MBP: variants seen among roughly 807,000 people sequenced by gnomAD.
MBP encodes myelin basic protein.
In MBP, 16 loss-of-function variants were observed where a neutral mutation model predicts 35.8. That is an observed-to-expected ratio of 0.45 (90% CI 0.30 to 0.68). The LOEUF (loss-of-function observed/expected upper bound fraction) is 0.68. Among genes scored for constraint, MBP ranks in the 30% least tolerant of loss-of-function variants. MBP has a pLI of 0.08. For synonymous variants in MBP, 143 were observed against 159.6 expected (o/e 0.90, Z 0.78); for missense variants, 380 against 404.7 (o/e 0.94, Z 0.52).
At chr18:77,009,952 CGTGAGTCCGG>C (rs1971248335) in intron 4 of MBP, 4 of 1,535,742 alleles carry the variant, frequency 2.6e-6, no homozygotes, top group Non-Finnish European at 3.5e-6. Flanking sequence ...GAGTGGGCTG[CGTGAGTCCGG>C]GTGGGCGCCG....
At chr18:77,130,056 A>AG (rs1977189522) in intron 1 of MBP, among the ~76,000 whole-genome samples, 1 of 151,042 alleles carries the variant, frequency 6.6e-6, no homozygotes, top group Admixed American at 6.6e-5. Flanking sequence ...CAAAAAAAAA[A>AG]AAAAGAAAAA....
chr18:77,018,740 CTATCCACT>C, intron 3 of MBP, among the ~76,000 whole-genome samples: 1 of 143,168 alleles, frequency 7.0e-6, no homozygotes, highest in East Asian at 2.2e-4. Flanking sequence ...ACCCCTCCAT[CTATCCACT>C]CATCCATCCA....
At chr18:77,107,447 C>T (rs1378473112) in intron 1 of MBP, among the ~76,000 whole-genome samples, 1 of 152,168 alleles carries the variant, frequency 6.6e-6, no homozygotes. Context: ...TATGCTGGGA[C>T]TAGGCAAACA....
rs1483113465 is a variant in MBP, at chr18:77,058,071, T to A, written c.139+8227A>T. ...ATGGTGTCGATCTCCTGACCTCGTGTTCCGCCCGCCTCGGCCTCCCAAAGT... is the reference window on the plus strand; with the variant it reads ...ATGGTGTCGATCTCCTGACCTCGTGATCCGCCCGCCTCGGCCTCCCAAAGT... On this transcript the variant is annotated intron_variant, in intron 3 of 8. Transcript: ENST00000355994. Among the ~76,000 whole-genome samples the A allele has an allele frequency of 7.2e-4, 13 of 18,012 alleles. 5 individuals are homozygous for A. Among genetic ancestry groups the A allele is most frequent in the Admixed American group, 3.4e-3 (7 of 2,058 alleles). The allele number at this position is 18,012 out of a possible 152,430, so 11.8% of individuals were successfully genotyped here. A position where few individuals can be genotyped will look rare whatever the true frequency, so the allele number is the denominator to read the frequency against.
chr18:77,049,171 G>A (rs1323250229), intron 3 of MBP, among the ~76,000 whole-genome samples: 1 of 149,988 alleles, frequency 6.7e-6, no homozygotes, highest in African/African-American at 2.5e-5. Context: ...CGCCCACCTC[G>A]GCCTTCCAAA....
upstream of MBP, chr18:77,132,932 A>G (rs1235227539): frequency 6.6e-6 from 1 of 150,916 alleles, no homozygotes; most frequent in African/African-American, 2.4e-5. Flanking sequence ...AGCTCGGAGG[A>G]CCCCGGGCCC....
intron 4 of MBP, chr18:77,016,375 A>G (rs1049440416): frequency 3.0e-6 from 3 of 993,120 alleles, no homozygotes; most frequent in South Asian, 4.6e-5. Context: ...CCTCAATCCT[A>G]TGATTGTCGC....
chr18:77,029,223 A>T (rs1297782813), intron 3 of MBP, among the ~76,000 whole-genome samples: 2 of 146,272 alleles, frequency 1.4e-5, no homozygotes, highest in Non-Finnish European at 3.1e-5. Flanking sequence ...AGCCCGGCCA[A>T]CACAGCGAAA....
chr18:77,048,104 G>T (rs470578), intron 3 of MBP, among the ~76,000 whole-genome samples: 1 of 151,796 alleles, frequency 6.6e-6, no homozygotes, highest in African/African-American at 2.4e-5. Flanking sequence ...AGCATCTCTC[G>T]TTTGACGCCC....
chr18:76,997,645 G>A (rs1409596031), intron 4 of MBP, among the ~76,000 whole-genome samples: 1 of 152,220 alleles, frequency 6.6e-6, no homozygotes, highest in African/African-American at 2.4e-5. Flanking sequence ...CCTCGGGCAG[G>A]GGACTGCGTG....
chr18:77,032,187 G>A (rs914990723), intron 3 of MBP, among the ~76,000 whole-genome samples: 1 of 152,220 alleles, frequency 6.6e-6, no homozygotes, highest in Non-Finnish European at 1.5e-5. Flanking sequence ...GGGCCAAAGA[G>A]GACGCTCCTT....
rs1490571723 is a variant in MBP at position 77,125,826 on chromosome 18, A to ATT, written c.-26+6753_-26+6754insAA. ...GCTGAGAGGGAATTCATACCCTGAA[A>ATT]TACTTATATTAGAAAGCAGGAAAAG... On this transcript the variant is annotated intron_variant, in intron 1 of 8. Coordinates refer to ENST00000355994, the MANE Select transcript of MBP (RefSeq NM_001025101.2). Among the ~76,000 whole-genome samples the ATT allele has an allele frequency of 2.0e-5, 3 of 152,040 alleles. No individual in the cohort carries two copies. In the East Asian group the frequency reaches 5.8e-4, roughly 29 times the overall value.
chr18:77,116,715 C>T (rs911571803), intron 1 of MBP, among the ~76,000 whole-genome samples: 6 of 152,116 alleles, frequency 3.9e-5, no homozygotes, highest in African/African-American at 1.2e-4. Flanking sequence ...AAAACTTCAC[C>T]GCGTATGGTG....
At chr18:77,026,987 C>T (rs1972248453) in intron 3 of MBP, among the ~76,000 whole-genome samples, 3 of 152,166 alleles carry the variant, frequency 2.0e-5, no homozygotes, top group South Asian at 4.1e-4. Flanking sequence ...GGTTTCCCAA[C>T]AATAAGCTCT....
chr18:77,000,590 A>T (rs1970575774), intron 4 of MBP, among the ~76,000 whole-genome samples: 1 of 152,216 alleles, frequency 6.6e-6, no homozygotes, highest in African/African-American at 2.4e-5. Flanking sequence ...TTTTTGAAGA[A>T]TTATTTTCCT....
intron 4 of MBP, chr18:77,016,512 C>T (rs1342058365): frequency 1.2e-5 from 15 of 1,210,022 alleles, no homozygotes; most frequent in African/African-American, 1.5e-5. Flanking sequence ...CACCAGAGAC[C>T]CTGAGAATGT....
Position 77,029,059 on chromosome 18 carries a change from C to A in MBP, c.140-11791G>T, listed in dbSNP as rs1318487188. Among the ~76,000 whole-genome samples, 2 of 104,460 alleles carry A rather than the reference C, an allele frequency of 1.9e-5. 1 individual carries two copies. Among genetic ancestry groups the A allele is most frequent in the Non-Finnish European group, 4.9e-5 (2 of 40,802 alleles). 68.5% of individuals were successfully genotyped at this position (104,460 alleles called of 152,430 possible). A position where few individuals can be genotyped will look rare whatever the true frequency, so the allele number is the denominator to read the frequency against. On this transcript the variant is annotated intron_variant, in intron 3 of 8. Transcript: ENST00000355994. ...CGGCACTTTGGGAGGCCAAGGCAGGCGGCTGGGAGGTGGAGGTTGTAGCGA... is the reference window on the plus strand; with the variant it reads ...CGGCACTTTGGGAGGCCAAGGCAGGAGGCTGGGAGGTGGAGGTTGTAGCGA...
At chr18:77,090,023 G>A (rs181639013) in intron 2 of MBP, among the ~76,000 whole-genome samples, 3 of 152,324 alleles carry the variant, frequency 2.0e-5, no homozygotes, top group Non-Finnish European at 4.4e-5. Context: ...GCTGAACTGT[G>A]ACCTGCAGCT....
intron 2 of MBP, among the ~76,000 whole-genome samples, chr18:77,069,565 CG>C (rs1274733251): frequency 2.6e-5 from 4 of 152,144 alleles, no homozygotes; most frequent in African/African-American, 9.7e-5. Context: ...CCCTTCTCAC[CG>C]GAGAGTAGAA....
Sources: allele counts gnomAD v4.1 joint callset (sites outside exome capture counted in the v4.1 genomes callset), GRCh38; gene constraint gnomAD v4.1.1; transcripts MANE v1.5; gene names NCBI Gene and HGNC (gene_info 2026-07-23, HGNC 2026-07-21).